TFE3: variants seen among roughly 807,000 people sequenced by gnomAD.
The protein encoded by TFE3 is transcription factor E3.
A neutral mutation model predicts 35.0 loss-of-function variants in TFE3; 5 were observed. That is an observed-to-expected ratio of 0.14 (90% confidence interval 0.07 to 0.30). The LOEUF (loss-of-function observed/expected upper bound fraction) is 0.30, where lower values mean the gene tolerates loss of function less well. Among genes scored for constraint, TFE3 ranks in the 10% least tolerant of loss-of-function variants. The pLI is 1.00. For missense variants in TFE3, 374 were observed against 496.6 expected (o/e 0.75, Z 2.35); for synonymous variants, 211 against 215.6 (o/e 0.98, Z 0.18).
intron 8 of TFE3, among the ~76,000 whole-genome samples, chrX:49,032,248 G>A (rs190373545): frequency 9.0e-6 from 1 of 110,572 alleles, no homozygotes; most frequent in African/African-American, 3.3e-5. Context: ...TTTGCGGGGC[G>A]GTGGGGGATG....
chrX:49,040,346 A>T, intron 2 of TFE3, 109 bp downstream of exon 2: 1 of 557,065 alleles, frequency 1.8e-6, no homozygotes, highest in Non-Finnish European at 3.0e-6. Flanking sequence ...TAGAAAACGC[A>T]GGCTGGTGAA....
chrX:49,037,301 GA>G (rs1160452887), intron 5 of TFE3, among the ~76,000 whole-genome samples: 1 of 109,621 alleles, frequency 9.1e-6, no homozygotes, highest in East Asian at 2.9e-4. Flanking sequence ...TGTCTTAAAA[GA>G]AAAAAAAGGT....
intron 5 of TFE3, among the ~76,000 whole-genome samples, chrX:49,036,672 C>T (rs888045174): frequency 1.3e-4 from 14 of 109,096 alleles, no homozygotes; most frequent in Non-Finnish European, 2.5e-4. Context: ...CATGGGGGCA[C>T]GCGCCTGTAG....
rs1557075031 is a variant in TFE3, at chrX:49,038,050, T to C, written c.845A>G (p.Tyr282Cys). The change falls in exon 5 of 10, where the codon TAT becomes TGT. Residue 282 changes from tyrosine (Y) to cysteine (C), a missense_variant. Physicochemically the swap from Tyr to Cys is radical, Grantham distance 194. Around this residue, in one of 3 missense-constraint regions of TFE3, gnomAD observed 167 missense variants for 297.2 expected, o/e 0.56. Coordinates refer to ENST00000315869, the MANE Select transcript of TFE3 (RefSeq NM_006521.6). ...ESSYNDEMLS[Y>C]LPGGTTGLQL... ...CAGTCCTGTGGTGCCTCCGGGCAGA[T>C]AGCTGAGCATTTCATCATTGTAACT... is the stretch of plus-strand genomic sequence containing the variant. The C allele has an allele frequency of 1.2e-5, 15 of 1,206,460 alleles. No homozygotes were observed. The highest frequency in any genetic ancestry group is 3.0e-5 in the East Asian group (1 of 33,684).
chrX:49,034,093 G>A (rs782584600), intron 6 of TFE3, 41 bp downstream of exon 6: 21 of 1,101,118 alleles, frequency 1.9e-5, no homozygotes, highest in Non-Finnish European at 2.6e-5. Flanking sequence ...GCTCACCTGG[G>A]GTAAAGTGTA....
intron 5 of TFE3, chrX:49,037,732 G>T (rs2147774972): frequency 3.8e-6 from 1 of 265,474 alleles, no homozygotes; most frequent in Non-Finnish European, 6.6e-6. Context: ...ATCATCTCTT[G>T]GTACTTCTCA....
intron 2 of TFE3, 93 bp downstream of exon 2, chrX:49,040,362 G>C (rs2064754162): frequency 1.6e-6 from 1 of 630,989 alleles, no homozygotes; most frequent in Non-Finnish European, 2.6e-6. Flanking sequence ...GTGAAAGAAT[G>C]GGTTGGGCTG....
rs781913966 is a variant in TFE3, at chrX:49,029,740, A to T, written c.*418T>A. On this transcript the variant is annotated 3_prime_UTR_variant, in exon 10 of 10. Coordinates refer to ENST00000315869, the MANE Select transcript of TFE3 (RefSeq NM_006521.6). ...GACGGACTAGACTGGTGGTTCCAAGACAAAGGATGGAGCAACATCCTGACA... is the reference window on the plus strand; with the variant it reads ...GACGGACTAGACTGGTGGTTCCAAGTCAAAGGATGGAGCAACATCCTGACA... The T allele has an allele frequency of 9.0e-6, 4 of 445,056 alleles. No homozygotes were observed. In the African/African-American group the frequency reaches 9.3e-5, roughly 10 times the overall value. The allele number at this position is 445,056 out of a possible 1,213,427, so 36.7% of individuals were successfully genotyped here. A position where few individuals can be genotyped will look rare whatever the true frequency, so the allele number is the denominator to read the frequency against.
At position 49,030,071 on chromosome X, in the gene TFE3, T is replaced by G. The variant is rs782528810; in HGVS notation, c.*87A>C. 3.0e-6 allele frequency: 3 copies of G among 990,927 alleles called. No individual in the cohort carries two copies. The highest frequency in any genetic ancestry group is 5.5e-5 in the Admixed American group (2 of 36,157). 81.7% of individuals were successfully genotyped at this position (990,927 alleles called of 1,213,427 possible). A position where few individuals can be genotyped will look rare whatever the true frequency, so the allele number is the denominator to read the frequency against. On this transcript the variant is annotated 3_prime_UTR_variant, in exon 10 of 10. Coordinates refer to ENST00000315869, the MANE Select transcript of TFE3 (RefSeq NM_006521.6). ...AGGATACCTGGGCAGGGCAGTCTCA[T>G]GGGAGGGTGGGGGAAAAGGCGGGGC... is the stretch of plus-strand genomic sequence containing the variant.
intron 8 of TFE3, 140 bp from the exon 9 acceptor site, chrX:49,031,684 T>C (rs1557073784): frequency 1.5e-6 from 1 of 688,641 alleles, no homozygotes; most frequent in African/African-American, 2.2e-5. Flanking sequence ...GTATGGAGTA[T>C]CCAGAGGAAA....
At position 49,034,207 on chromosome X, in the gene TFE3, G is replaced by A. The variant is rs781949099; in HGVS notation, c.930C>T (p.Gly310=). 2.4e-5 allele frequency: 29 copies of A among 1,205,114 alleles called. No homozygotes were observed. The highest frequency in any genetic ancestry group is 3.1e-5 in the Non-Finnish European group (28 of 892,550). The change falls in exon 6 of 10, where the codon GGC becomes GGT. Residue 310 remains glycine (G), a synonymous_variant. Coordinates refer to ENST00000315869, the MANE Select transcript of TFE3 (RefSeq NM_006521.6). ...GNLLDVYSSQ[G]VATPAITVSN... ...TGACAGTGATGGCTGGTGTGGCCACGCCTTGACTACTGTACACATCAAGCA... is the reference window on the plus strand; with the variant it reads ...TGACAGTGATGGCTGGTGTGGCCACACCTTGACTACTGTACACATCAAGCA...
chrX:49,030,502 C>T lies in TFE3; in HGVS notation c.1384G>A (p.Glu462Lys). The change falls in exon 10 of 10, where the codon GAG becomes AAG. Residue 462 changes from glutamate (E) to lysine (K), a missense_variant. Physicochemically the swap from Glu to Lys is moderately conservative, Grantham distance 56. This residue lies in a region of TFE3 where 117 missense variants were observed against 111.9 expected (regional missense o/e 1.05). Coordinates refer to ENST00000315869, the MANE Select transcript of TFE3 (RefSeq NM_006521.6). ...CCCTCCTCCTCAATGTCCAGCTGCT[C>T]TGGCTTGAGGCTGTCAGAAGCCGAA... ...TTSASDSLKP[E>K]QLDIEEEGRP... 1 of 1,211,808 alleles carries T rather than the reference C, an allele frequency of 8.3e-7. No homozygotes were observed. The highest frequency in any genetic ancestry group is 1.1e-6 in the Non-Finnish European group (1 of 895,490).
Position 49,029,052 on chromosome X carries a change from T to TG in TFE3, c.*1105dup, listed in dbSNP as rs2064683217. ...ACCCTCCTCCAAGCTTCTGCCTTGC[T>TG]GGGGGAAGGCTTCCAGTTTTTCCTG... is the stretch of plus-strand genomic sequence containing the variant. On this transcript the variant is annotated 3_prime_UTR_variant, in exon 10 of 10. Transcript: ENST00000315869. 2.3e-5 allele frequency: 4 copies of TG among 174,108 alleles called. No homozygotes were observed. The East Asian group carries it at 3.3e-4, about 14-fold the overall frequency. The allele number at this position is 174,108 out of a possible 1,213,427, so 14.3% of individuals were successfully genotyped here. A position where few individuals can be genotyped will look rare whatever the true frequency, so the allele number is the denominator to read the frequency against.
rs2064690158 is a variant in TFE3, at chrX:49,030,129, GA to G, written c.*28del. 7 of 1,185,793 alleles carry G rather than the reference GA, an allele frequency of 5.9e-6. No individual in the cohort carries two copies. Among genetic ancestry groups the G allele is most frequent in the Non-Finnish European group, 7.9e-6 (7 of 882,144 alleles). ...TGACTGGTCCTCCTTTCCTGGGTGG[GA>G]AAGTCCCAGGGGAGGGGTGAGGCCT... On this transcript the variant is annotated 3_prime_UTR_variant, in exon 10 of 10. Coordinates refer to ENST00000315869, the MANE Select transcript of TFE3 (RefSeq NM_006521.6).
At position 49,029,607 on chromosome X, in the gene TFE3, C is replaced by A; in HGVS notation, c.*551G>T. ...AGGGGAAGGGGCTGGGTCTCATCCT[C>A]ACTTCTGTTCCTTGCCTGGGCAGAG... is the stretch of plus-strand genomic sequence containing the variant. On this transcript the variant is annotated 3_prime_UTR_variant, in exon 10 of 10. Coordinates refer to ENST00000315869, the MANE Select transcript of TFE3 (RefSeq NM_006521.6). 1 of 369,479 alleles carries A rather than the reference C, an allele frequency of 2.7e-6. No homozygotes were observed. 30.4% of individuals were successfully genotyped at this position (369,479 alleles called of 1,213,427 possible).
Position 49,039,312 on chromosome X carries a change from G to A in TFE3, c.329C>T (p.Ser110Phe). 8.3e-7 allele frequency: 1 copy of A among 1,207,608 alleles called. No individual in the cohort carries two copies. Among genetic ancestry groups the A allele is most frequent in the Non-Finnish European group, 1.1e-6 (1 of 893,330 alleles). Residue 110 changes from serine to phenylalanine, a missense_variant, in exon 3 of 10, where the codon TCT becomes TTT. This residue lies in a region of TFE3 where 167 missense variants were observed against 297.2 expected (regional missense o/e 0.56). Transcript: ENST00000315869. Reference protein sequence around the residue: ...GSRTPAMSSSSSSRVLLRQQL... With the variant: ...GSRTPAMSSSFSSRVLLRQQL... The stretch of plus-strand genomic sequence containing the variant: ...CTGCCGCAGCAAGACCCTCGATGAA[G>A]AAGATGACGACATGGCAGGGGTCCT...
intron 6 of TFE3, 87 bp from the exon 7 acceptor site, chrX:49,033,869 A>G: frequency 9.6e-7 from 1 of 1,038,672 alleles, no homozygotes; most frequent in Non-Finnish European, 1.3e-6. Context: ...GGTAGCCAAA[A>G]GCAGGGGAAA....
At chrX:49,034,337 C>A in intron 5 of TFE3, 86 bp from the exon 6 acceptor site, 1 of 638,577 alleles carries the variant, frequency 1.6e-6, no homozygotes. Context: ...TGAGCTTCCA[C>A]ATATCCCAAA....
chrX:49,037,956 G>T (rs1557075006), intron 5 of TFE3, 54 bp downstream of exon 5: 2 of 1,033,255 alleles, frequency 1.9e-6, no homozygotes, highest in South Asian at 2.0e-5. Flanking sequence ...GTATGGTCTT[G>T]GTGATACAGA....
Sources: allele counts gnomAD v4.1 joint callset (sites outside exome capture counted in the v4.1 genomes callset), GRCh38; gene constraint gnomAD v4.1.1; regional missense constraint gnomAD v4.1.1; transcripts MANE v1.5; gene names NCBI Gene and HGNC (gene_info 2026-07-23, HGNC 2026-07-21).